The following ZNF385B variants were observed in gnomAD, a reference collection of about 807,000 sequenced individuals.
ZNF385B encodes zinc finger protein 385B.
ZNF385B carries 23 observed loss-of-function variants against 39.2 expected under a neutral mutation model. That is an observed-to-expected ratio of 0.59 (90% CI 0.42 to 0.83). The LOEUF (loss-of-function observed/expected upper bound fraction) is 0.83. ZNF385B is among the 40% of genes least tolerant of loss of function. ZNF385B has a pLI of 0.00. For missense variants in ZNF385B, 552 were observed against 598.9 expected (o/e 0.92, Z 0.82); for synonymous variants, 205 against 222.6 (o/e 0.92, Z 0.70).
intron 3 of ZNF385B, among the ~76,000 whole-genome samples, chr2:179,680,322 A>G (rs1470682210): frequency 6.6e-6 from 1 of 152,228 alleles, no homozygotes; most frequent in Non-Finnish European, 1.5e-5. Flanking sequence ...AATACTGTTT[A>G]GTAATAAAGA....
intron 1 of ZNF385B, among the ~76,000 whole-genome samples, chr2:179,783,436 A>G (rs970115257): frequency 6.6e-6 from 1 of 152,176 alleles, no homozygotes; most frequent in Non-Finnish European, 1.5e-5. Flanking sequence ...AGATTTCATG[A>G]CAATGACATC....
intron 3 of ZNF385B, among the ~76,000 whole-genome samples, chr2:179,726,690 G>A (rs1356247088): frequency 2.6e-5 from 4 of 151,990 alleles, no homozygotes; most frequent in Admixed American, 2.6e-4. Flanking sequence ...CAACACACAA[G>A]TAGTCAAAAA....
intron 3 of ZNF385B, among the ~76,000 whole-genome samples, chr2:179,744,327 T>TA (rs1702252334): frequency 9.5e-6 from 1 of 105,094 alleles, no homozygotes; most frequent in African/African-American, 3.3e-5. Flanking sequence ...TTTTTTTTTT[T>TA]AAATCATAGA....
chr2:179,658,806 T>G (rs1393262220), intron 3 of ZNF385B, among the ~76,000 whole-genome samples: 1 of 151,984 alleles, frequency 6.6e-6, no homozygotes, highest in Non-Finnish European at 1.5e-5. Context: ...TGAGATGGGG[T>G]TTCACTCGTT....
chr2:179,700,104 A>AC (rs1228562511), intron 3 of ZNF385B, among the ~76,000 whole-genome samples: 1 of 151,582 alleles, frequency 6.6e-6, no homozygotes, highest in African/African-American at 2.4e-5. Context: ...CCAAAAAAAA[A>AC]AGTTACCATT....
intron 5 of ZNF385B, among the ~76,000 whole-genome samples, chr2:179,498,106 C>G (rs1448658505): frequency 6.6e-6 from 1 of 152,028 alleles, no homozygotes; most frequent in Non-Finnish European, 1.5e-5. Flanking sequence ...TACAATAATA[C>G]TTGGAGACTT....
intron 5 of ZNF385B, among the ~76,000 whole-genome samples, chr2:179,513,736 C>T (rs1220414124): frequency 6.6e-6 from 1 of 152,160 alleles, no homozygotes; most frequent in African/African-American, 2.4e-5. Flanking sequence ...ATGGTCCTTC[C>T]AAAGATCATG....
rs549812167 is a variant in ZNF385B at position 179,729,486 on chromosome 2, C to T, written c.298+40017G>A. ...TCAGAGTGAAAACCAAAAGGATAAA[C>T]CTTGCATTTTCAAGTTCAGAGATAT... is the stretch of plus-strand genomic sequence containing the variant. On this transcript the variant is annotated intron_variant, in intron 3 of 9. Transcript: ENST00000410066. Among the ~76,000 whole-genome samples, 6 of 152,248 alleles carry T rather than the reference C, an allele frequency of 3.9e-5. No homozygotes were observed. The South Asian group carries it at 1.2e-3, about 32-fold the overall frequency.
chr2:179,691,787 T>C (rs1698373841), intron 3 of ZNF385B, among the ~76,000 whole-genome samples: 1 of 152,190 alleles, frequency 6.6e-6, no homozygotes, highest in South Asian at 2.1e-4. Context: ...AAAAATTATT[T>C]TTGTTTATCT....
At chr2:179,514,830 G>A (rs979921497) in intron 5 of ZNF385B, among the ~76,000 whole-genome samples, 1 of 150,412 alleles carries the variant, frequency 6.6e-6, no homozygotes, top group Admixed American at 6.6e-5. Context: ...TCAGGCTGGA[G>A]TGCAATGGTA....
chr2:179,493,894 A>T (rs974534553), intron 5 of ZNF385B, among the ~76,000 whole-genome samples: 2 of 150,094 alleles, frequency 1.3e-5, no homozygotes, highest in Non-Finnish European at 3.0e-5. Context: ...TGCAACAAAT[A>T]TCTATTGAAT....
At chr2:179,614,872 T>C (rs1689600578) in intron 3 of ZNF385B, among the ~76,000 whole-genome samples, 1 of 152,230 alleles carries the variant, frequency 6.6e-6, no homozygotes, top group African/African-American at 2.4e-5. Context: ...AGTTTTCTGC[T>C]GAATTTTAAA....
At chr2:179,734,590 T>C (rs1469604492) in intron 3 of ZNF385B, among the ~76,000 whole-genome samples, 2 of 152,224 alleles carry the variant, frequency 1.3e-5, no homozygotes, top group Non-Finnish European at 2.9e-5. Context: ...TATTCAAGTG[T>C]TCTGTCCTTT....
intron 1 of ZNF385B, among the ~76,000 whole-genome samples, chr2:179,850,782 T>C (rs1219178520): frequency 3.3e-5 from 5 of 152,098 alleles, no homozygotes; most frequent in African/African-American, 9.7e-5. Context: ...TAATAAGGCT[T>C]GAGAGAGAAG....
chr2:179,736,795 C>T (rs1701787218), intron 3 of ZNF385B, among the ~76,000 whole-genome samples: 1 of 152,048 alleles, frequency 6.6e-6, no homozygotes, highest in Non-Finnish European at 1.5e-5. Flanking sequence ...CATGGTGAAA[C>T]CCCATCTCTA....
intron 3 of ZNF385B, among the ~76,000 whole-genome samples, chr2:179,692,576 G>A (rs941437775): frequency 4.0e-4 from 61 of 152,236 alleles, no homozygotes; most frequent in African/African-American, 1.3e-3. Flanking sequence ...AGCACTTTAC[G>A]TTTCACAAAG....
intron 1 of ZNF385B, among the ~76,000 whole-genome samples, chr2:179,804,088 T>G (rs1706202430): frequency 5.3e-5 from 8 of 152,210 alleles, no homozygotes; most frequent in Admixed American, 5.2e-4. Flanking sequence ...TCATCTTTGC[T>G]TCTCTCCAAC....
chr2:179,798,510 T>C (rs1412295690), intron 1 of ZNF385B, among the ~76,000 whole-genome samples: 2 of 152,178 alleles, frequency 1.3e-5, no homozygotes, highest in Non-Finnish European at 2.9e-5. Flanking sequence ...TCATTCATCT[T>C]CACTGATCTT....
In ZNF385B at chr2:179,589,192, G is replaced by GT. The variant is rs753884280; in HGVS notation, c.299-44224dup. On this transcript the variant is annotated intron_variant, in intron 3 of 9. Transcript: ENST00000410066. ...TTTTGAATTTTCTTGTTACTTGTCA[G>GT]TTTGCCTCTCAGACTTAATACCAGG... Among the ~76,000 whole-genome samples, 5 of 152,284 alleles carry GT rather than the reference G, an allele frequency of 3.3e-5. No individual in the cohort carries two copies. The East Asian group carries it at 9.6e-4, about 29-fold the overall frequency.
Sources: allele counts gnomAD v4.1 joint callset (sites outside exome capture counted in the v4.1 genomes callset), GRCh38; gene constraint gnomAD v4.1.1; transcripts MANE v1.5; gene names NCBI Gene and HGNC (gene_info 2026-07-23, HGNC 2026-07-21).